Variants in SALL1 observed in about 807,000 individuals in gnomAD.
SALL1 encodes the protein sal-like protein 1.
In SALL1, 10 loss-of-function variants were observed where a neutral mutation model predicts 73.1. That is an observed-to-expected ratio of 0.14 (90% CI 0.08 to 0.23). The LOEUF (loss-of-function observed/expected upper bound fraction) is 0.23. SALL1 is among the 10% of genes least tolerant of loss of function. SALL1 has a pLI of 1.00. For missense variants in SALL1, 1,520 were observed against 1,697.3 expected (o/e 0.90, Z 1.84); for synonymous variants, 688 against 689.8 (o/e 1.00, Z 0.04).
intron 1 of SALL1, among the ~76,000 whole-genome samples, chr16:51,148,765 T>C (rs531967884): frequency 6.6e-6 from 1 of 152,304 alleles, no homozygotes; most frequent in African/African-American, 2.4e-5. Context: ...TGTACTAATA[T>C]TATTACAACA....
At position 51,141,499 on chromosome 16, in the gene SALL1, G is replaced by A; in HGVS notation, c.723C>T (p.Ile241=). The A allele has an allele frequency of 6.2e-7, 1 of 1,614,102 alleles. No individual in the cohort carries two copies. The change falls in exon 2 of 3, where the codon ATC becomes ATT. Residue 241 remains isoleucine, a synonymous_variant. Coordinates refer to ENST00000251020, the MANE Select transcript of SALL1 (RefSeq NM_002968.3). The surrounding 1 kb of genome is among the most constrained non-coding windows in gnomAD (Gnocchi z 5.4). Reference sequence around the variant, plus strand: ...TCTGTTCGATCAATTGCAGCTGGTGGATCTGCTGCTGCTGCAGAGCTAGGA... The same window carrying A: ...TCTGTTCGATCAATTGCAGCTGGTGAATCTGCTGCTGCTGCAGAGCTAGGA... ...EQLLALQQQQ[I]HQLQLIEQIR...
At position 51,140,549 on chromosome 16, in the gene SALL1, G is replaced by T; in HGVS notation, c.1673C>A (p.Pro558Gln). 1 of 1,613,948 alleles carries T rather than the reference G, an allele frequency of 6.2e-7. No homozygotes were observed. Among genetic ancestry groups the T allele is most frequent in the East Asian group, 2.2e-5 (1 of 44,858 alleles). The change falls in exon 2 of 3, where the codon CCG (proline) becomes CAG (glutamine). Residue 558 changes from proline to glutamine, a missense_variant. By Grantham distance (76) the Pro-to-Gln change is moderately conservative. This residue lies in a region of SALL1 where 276 missense variants were observed against 259.1 expected (regional missense o/e 1.07). Transcript: ENST00000251020. The surrounding 1 kb of genome is among the most constrained non-coding windows in gnomAD (Gnocchi z 5.7). ...GAGGCTTGGGAGGGTTGGGGGCAACGGCAGGCCGACTGAAGTGGTCAGAGT... is the reference window on the plus strand; with the variant it reads ...GAGGCTTGGGAGGGTTGGGGGCAACTGCAGGCCGACTGAAGTGGTCAGAGT... ...LPTLTTSVGLPLPPTLPSLIP... is the reference protein window; with the variant it reads ...LPTLTTSVGLQLPPTLPSLIP...
At chr16:51,138,187 C>G (rs1164586596) in intron 2 of SALL1, among the ~76,000 whole-genome samples, 1 of 152,190 alleles carries the variant, frequency 6.6e-6, no homozygotes, top group Admixed American at 6.6e-5. Context: ...GCTGTATAAT[C>G]AATTATCATA....
Position 51,140,433 on chromosome 16 carries a change from C to T in SALL1, c.1789G>A (p.Gly597Ser). The T allele has an allele frequency of 6.2e-7, 1 of 1,613,862 alleles. No homozygotes were observed. Among genetic ancestry groups the T allele is most frequent in the South Asian group, 1.1e-5 (1 of 91,064 alleles). Residue 597 changes from glycine (G) to serine (S), a missense_variant, in exon 2 of 3, where the codon GGC (glycine) becomes AGC (serine). Physicochemically the swap from Gly to Ser is moderately conservative, Grantham distance 56. Transcript: ENST00000251020. The surrounding 1 kb of genome is among the most constrained non-coding windows in gnomAD (Gnocchi z 5.7). The stretch of plus-strand genomic sequence containing the variant: ...AGGTTTCTTGTGGCTGACTCAGGGC[C>T]CCCGGAGTCACTTTTGACTGAGCCT... ...PPGSVKSDSG[G>S]PESATRNLGG...
rs1328301912 is a variant in SALL1, at chr16:51,137,416, C to T, written c.3671G>A (p.Arg1224Lys). The change falls in exon 3 of 3, where the codon AGA becomes AAA. Residue 1224 changes from arginine (R) to lysine (K), a missense_variant. Arg to Lys is a conservative substitution (Grantham distance 26, BLOSUM62 2). This residue lies in a region of SALL1 where 318 missense variants were observed against 357.1 expected (regional missense o/e 0.89). Coordinates refer to ENST00000251020, the MANE Select transcript of SALL1 (RefSeq NM_002968.3). Reference sequence around the variant, plus strand: ...GCTGGAAGGATCCCCACTTCCTGATCTTGCCGCCAAATCCTTCTGGAACAT... The same window carrying T: ...GCTGGAAGGATCCCCACTTCCTGATTTTGCCGCCAAATCCTTCTGGAACAT... ...PEMFQKDLAA[R>K]SGSGDPSSFW... is the part of the protein sequence containing the mutation. 6 of 1,614,154 alleles carry T rather than the reference C, an allele frequency of 3.7e-6. No individual in the cohort carries two copies. The highest frequency in any genetic ancestry group is 1.1e-5 in the South Asian group (1 of 91,078).
intron 1 of SALL1, among the ~76,000 whole-genome samples, chr16:51,147,943 G>A (rs532424381): frequency 1.3e-5 from 2 of 152,098 alleles, no homozygotes; most frequent in Non-Finnish European, 2.9e-5. Flanking sequence ...AGTCTTTCCA[G>A]TAGCAGTCAT....
In SALL1 at chr16:51,151,148, G is replaced by T. The variant is rs1224733284; in HGVS notation, c.76+18C>A. The stretch of plus-strand genomic sequence containing the variant: ...GAGTGCGTGTGTGTGTGTCCACGGC[G>T]CGGGCCGGAGCACTCACCATCTCGC... On this transcript the variant is annotated intron_variant, in intron 1 of 2. Coordinates refer to ENST00000251020, the MANE Select transcript of SALL1 (RefSeq NM_002968.3). 15 of 1,579,196 alleles carry T rather than the reference G, an allele frequency of 9.5e-6. No homozygotes were observed. Among genetic ancestry groups the T allele is most frequent in the Non-Finnish European group, 1.2e-5 (14 of 1,164,952 alleles).
At position 51,137,527 on chromosome 16, in the gene SALL1, T is replaced by G. The variant is rs987561423; in HGVS notation, c.3560A>C (p.Asn1187Thr). The change falls in exon 3 of 3, where the codon AAT becomes ACT. Residue 1187 changes from asparagine to threonine, a missense_variant. Asn to Thr is a moderately conservative substitution (Grantham distance 65). This residue lies in a region of SALL1 where 318 missense variants were observed against 357.1 expected (regional missense o/e 0.89). Coordinates refer to ENST00000251020, the MANE Select transcript of SALL1 (RefSeq NM_002968.3). ...CCGACCCCGTCGTGCAGGGGTGCTA[T>G]TCCACATGTGAGTGCCCATGTGTAC... Reference protein sequence around the residue: ...LKVHMGTHMWNSTPARRGRRL... With the variant: ...LKVHMGTHMWTSTPARRGRRL... 1 of 1,613,488 alleles carries G rather than the reference T, an allele frequency of 6.2e-7. No individual in the cohort carries two copies. The highest frequency in any genetic ancestry group is 1.3e-5 in the African/African-American group (1 of 74,838).
In SALL1 at chr16:51,139,736, A is replaced by G; in HGVS notation, c.2486T>C (p.Met829Thr). Residue 829 changes from methionine (M) to threonine (T), a missense_variant, in exon 2 of 3, where the codon ATG becomes ACG. Coordinates refer to ENST00000251020, the MANE Select transcript of SALL1 (RefSeq NM_002968.3). The part of the protein sequence containing the change: ...DDLDNFSDEN[M>T]EDCPEGSIPD... ...GATGCTGCCCTCAGGACAGTCTTCC[A>G]TGTTTTCATCAGAGAAGTTGTCTAG... The G allele has an allele frequency of 6.2e-7, 1 of 1,614,224 alleles. No homozygotes were observed. The highest frequency in any genetic ancestry group is 8.5e-7 in the Non-Finnish European group (1 of 1,180,040).
chr16:51,141,616 G>A lies in SALL1; in HGVS notation c.606C>T (p.Ser202=). The change falls in exon 2 of 3, where the codon AGC becomes AGT. Residue 202 remains serine, a synonymous_variant. Transcript: ENST00000251020. The surrounding 1 kb of genome is among the most constrained non-coding windows in gnomAD (Gnocchi z 5.4). The part of the protein sequence containing the change: ...NSNVIIENLQ[S]TKVAVAQFSQ... ...AGAACTGGGCCACCGCCACCTTGGT[G>A]CTCTGGAGGTTCTCGATGATGACGT... 1.9e-6 allele frequency: 3 copies of A among 1,614,072 alleles called. No homozygotes were observed. The highest frequency in any genetic ancestry group is 2.5e-6 in the Non-Finnish European group (3 of 1,180,040).
rs758439424 is a variant in SALL1, at chr16:51,151,156, G to C, written c.76+10C>G. ...GTGTGTGTGTCCACGGCGCGGGCCG[G>C]AGCACTCACCATCTCGCCGGGGGAG... On this transcript the variant is annotated intron_variant, in intron 1 of 2. Transcript: ENST00000251020. 1.8e-5 allele frequency: 29 copies of C among 1,589,886 alleles called. No individual in the cohort carries two copies. Among genetic ancestry groups the C allele is most frequent in the Middle Eastern group, 2.2e-4 (1 of 4,482 alleles).
rs1456589992 is a variant in SALL1 at position 51,141,617 on chromosome 16, C to A, written c.605G>T (p.Ser202Ile). The change falls in exon 2 of 3, where the codon AGC becomes ATC. Residue 202 changes from serine (S) to isoleucine (I), a missense_variant. Coordinates refer to ENST00000251020, the MANE Select transcript of SALL1 (RefSeq NM_002968.3). The surrounding 1 kb of genome is among the most constrained non-coding windows in gnomAD (Gnocchi z 5.4). Reference sequence around the variant, plus strand: ...GAACTGGGCCACCGCCACCTTGGTGCTCTGGAGGTTCTCGATGATGACGTT... The same window carrying A: ...GAACTGGGCCACCGCCACCTTGGTGATCTGGAGGTTCTCGATGATGACGTT... ...NSNVIIENLQSTKVAVAQFSQ... is the reference protein window; with the variant it reads ...NSNVIIENLQITKVAVAQFSQ... 1 of 1,613,932 alleles carries A rather than the reference C, an allele frequency of 6.2e-7. No individual in the cohort carries two copies. The highest frequency in any genetic ancestry group is 8.5e-7 in the Non-Finnish European group (1 of 1,180,046).
At chr16:51,142,230 T>C in intron 1 of SALL1, 85 bp from the exon 2 acceptor site, 1 of 1,106,592 alleles carries the variant, frequency 9.0e-7, no homozygotes, top group Non-Finnish European at 1.4e-6. Context: ...GGCTAATCAA[T>C]GGTTTTCCAC....
chr16:51,140,425 C>T lies in SALL1; in HGVS notation c.1797G>A (p.Glu599=). ...GSVKSDSGGP[E]SATRNLGGLP... Reference sequence around the variant, plus strand: ...GCCCACCTAGGTTTCTTGTGGCTGACTCAGGGCCCCCGGAGTCACTTTTGA... The same window carrying T: ...GCCCACCTAGGTTTCTTGTGGCTGATTCAGGGCCCCCGGAGTCACTTTTGA... The change falls in exon 2 of 3, where the codon GAG becomes GAA. Residue 599 remains glutamate, a synonymous_variant. Transcript: ENST00000251020. The surrounding 1 kb of genome is among the most constrained non-coding windows in gnomAD (Gnocchi z 5.7). 1 of 1,614,012 alleles carries T rather than the reference C, an allele frequency of 6.2e-7. No individual in the cohort carries two copies. The highest frequency in any genetic ancestry group is 8.5e-7 in the Non-Finnish European group (1 of 1,179,970).
Position 51,139,828 on chromosome 16 carries a change from G to C in SALL1, c.2394C>G (p.Val798=). Residue 798 remains valine (V), a synonymous_variant, in exon 2 of 3, where the codon GTC becomes GTG. Coordinates refer to ENST00000251020, the MANE Select transcript of SALL1 (RefSeq NM_002968.3). ...HMGGQIPNTP[V]PDSYSESMES... is the part of the protein sequence containing the mutation. ...CCATGGACTCAGAGTAGCTGTCGGG[G>C]ACTGGGGTGTTGGGGATCTGGCCTC... is the stretch of plus-strand genomic sequence containing the variant. The C allele has an allele frequency of 2.5e-6, 4 of 1,614,204 alleles. No individual in the cohort carries two copies. The highest frequency in any genetic ancestry group is 4.5e-5 in the East Asian group (2 of 44,886).
At position 51,141,744 on chromosome 16, in the gene SALL1, C is replaced by CGCTGCTGCTGCTGCTGCTGCTGCTGCT; in HGVS notation, c.451_477dup (p.Ser151_Ser159dup). 6.3e-7 allele frequency: 1 copy of CGCTGCTGCTGCTGCTGCTGCTGCTGCT among 1,579,896 alleles called. No individual in the cohort carries two copies. Among genetic ancestry groups the CGCTGCTGCTGCTGCTGCTGCTGCTGCT allele is most frequent in the South Asian group, 1.1e-5 (1 of 88,716 alleles). The stretch of plus-strand genomic sequence containing the variant: ...CCTGTGGAGGAGCTGCCGCCGCCGC[C>CGCTGCTGCTGCTGCTGCTGCTGCTGCT]GCTGCTGCTGCTGCTGCTGCTGCTG... On this transcript the variant is annotated inframe_insertion, in exon 2 of 3. Coordinates refer to ENST00000251020, the MANE Select transcript of SALL1 (RefSeq NM_002968.3). This position sits in a 1 kb window ranked among gnomAD's most constrained non-coding sequence, Gnocchi z 5.4.
chr16:51,148,256 A>G (rs1164464829), intron 1 of SALL1, among the ~76,000 whole-genome samples: 1 of 152,222 alleles, frequency 6.6e-6, no homozygotes, highest in Non-Finnish European at 1.5e-5. Flanking sequence ...CAGGACACAC[A>G]ACACCAAGCA....
chr16:51,150,774 A>C, intron 1 of SALL1: 3 of 201,180 alleles, frequency 1.5e-5, no homozygotes, highest in Non-Finnish European at 2.8e-5. Flanking sequence ...CGGGAGCGCT[A>C]GGGGCCCCGT....
In SALL1 at chr16:51,137,068, C is replaced by T; in HGVS notation, c.*44G>A. ...AGGAGTAGGAGGCCACCATAGGTCG[C>T]ATTCTGAACAGGAATGAATGCTATG... On this transcript the variant is annotated 3_prime_UTR_variant, in exon 3 of 3. Transcript: ENST00000251020. 1 of 1,603,048 alleles carries T rather than the reference C, an allele frequency of 6.2e-7. No individual in the cohort carries two copies. Among genetic ancestry groups the T allele is most frequent in the Non-Finnish European group, 8.5e-7 (1 of 1,171,150 alleles).
Sources: gnomAD v4.1 joint callset for allele counts (sites outside exome capture counted in the v4.1 genomes callset) on GRCh38, gnomAD v4.1.1 for gene constraint, gnomAD v4.1.1 regional missense constraint, Gnocchi (gnomAD v3.1) non-coding constraint, MANE v1.5 for transcripts, NCBI Gene and HGNC (gene_info 2026-07-23, HGNC 2026-07-21) for gene names.